The following CCDC73 variants were observed in gnomAD, a reference collection of about 807,000 sequenced individuals.
CCDC73 encodes coiled-coil domain-containing protein 73.
A neutral mutation model predicts 116.5 loss-of-function variants in CCDC73; 95 were observed. That is an observed-to-expected ratio of 0.82 (90% CI 0.69 to 0.97). CCDC73 has a LOEUF of 0.97. Ranked by LOEUF, CCDC73 falls within the 50% of genes least tolerant of loss-of-function variation. The pLI is 0.00. For missense variants in CCDC73, 1,066 were observed against 1,206.8 expected, an observed-to-expected ratio of 0.88 and a Z score of 1.73; for synonymous variants, 398 against 401.3, an observed-to-expected ratio of 0.99 and a Z score of 0.10.
the CCDC73 span, among the ~76,000 whole-genome samples, chr11:32,810,901 C>T: frequency 2.0e-5 from 3 of 151,956 alleles, no homozygotes; most frequent in Non-Finnish European, 1.5e-5. Context: ...GAGGCCGAGG[C>T]GGGTGGATCA....
chr11:32,736,984 G>GTA (rs1850136999), intron 2 of CCDC73, among the ~76,000 whole-genome samples: 1 of 148,388 alleles, frequency 6.7e-6, no homozygotes, highest in African/African-American at 2.5e-5. Context: ...ACATATATAT[G>GTA]TATATATGTA....
At chr11:32,662,542 T>G in intron 9 of CCDC73, among the ~76,000 whole-genome samples, 1 of 151,972 alleles carries the variant, frequency 6.6e-6, no homozygotes, top group East Asian at 1.9e-4. Flanking sequence ...GTTTTTTTTT[T>G]CTTCTTGTAA....
chr11:32,780,837 G>C (rs574602265), intron 1 of CCDC73, among the ~76,000 whole-genome samples: 1 of 152,326 alleles, frequency 6.6e-6, no homozygotes, highest in South Asian at 2.1e-4. Flanking sequence ...ACTTGCCCAA[G>C]GATATACAGG....
At chr11:32,642,270 AG>A (rs897409605) in intron 12 of CCDC73, among the ~76,000 whole-genome samples, 188 bp from the exon 13 acceptor site, 5 of 152,004 alleles carry the variant, frequency 3.3e-5, no homozygotes, top group African/African-American at 1.2e-4. Context: ...AACAGAAAAT[AG>A]GGGGAGGTTT....
At chr11:32,661,813 T>C (rs182744294) in intron 9 of CCDC73, among the ~76,000 whole-genome samples, 1,770 of 151,996 alleles carry the variant, frequency 0.012, 41 homozygotes, top group African/African-American at 0.04. Flanking sequence ...TAGATATATC[T>C]CCTAATGCTA....
chr11:32,740,651 G>A (rs1329380785), intron 2 of CCDC73, among the ~76,000 whole-genome samples: 1 of 151,620 alleles, frequency 6.6e-6, no homozygotes, highest in Non-Finnish European at 1.5e-5. Context: ...TTGCTTTTTT[G>A]TATTGTTTTT....
intron 9 of CCDC73, among the ~76,000 whole-genome samples, chr11:32,659,737 A>G (rs1244444478): frequency 2.0e-5 from 3 of 152,302 alleles, no homozygotes; most frequent in African/African-American, 7.2e-5. Context: ...TTACTATCCT[A>G]TAACAGGGAC....
chr11:32,668,242 G>A (rs879597414), intron 9 of CCDC73, among the ~76,000 whole-genome samples: 1 of 151,898 alleles, frequency 6.6e-6, no homozygotes, highest in African/African-American at 2.4e-5. Context: ...ACTAATAAAT[G>A]GCATGAATAT....
chr11:32,725,904 C>T lies in CCDC73; in HGVS notation c.136-7757G>A, dbSNP rs151039340. Among the ~76,000 whole-genome samples the T allele has an allele frequency of 6.6e-5, 10 of 152,212 alleles. No individual in the cohort carries two copies. The East Asian group carries it at 1.5e-3, about 24-fold the overall frequency. The stretch of plus-strand genomic sequence containing the variant: ...GAGGATAGGCTTAGTGTTCAGGGCC[C>T]GCCAAGGAGGAGGGACTCTGGCAAA... On this transcript the variant is annotated intron_variant, in intron 2 of 17. Coordinates refer to ENST00000335185, the MANE Select transcript of CCDC73 (RefSeq NM_001008391.4).
At chr11:32,808,794 A>G in the CCDC73 span, among the ~76,000 whole-genome samples, 1 of 152,274 alleles carries the variant, frequency 6.6e-6, no homozygotes, top group Non-Finnish European at 1.5e-5. Context: ...TAATTATGAA[A>G]TAATATATGT....
At chr11:32,638,696 C>T (rs1460306338) in intron 13 of CCDC73, among the ~76,000 whole-genome samples, 1 of 151,260 alleles carries the variant, frequency 6.6e-6, no homozygotes, top group Non-Finnish European at 1.5e-5. Context: ...CCAGGATGGT[C>T]TTGATCTCCT....
At chr11:32,730,427 G>C (rs931036647) in intron 2 of CCDC73, among the ~76,000 whole-genome samples, 1 of 151,954 alleles carries the variant, frequency 6.6e-6, no homozygotes, top group African/African-American at 2.4e-5. Flanking sequence ...GGATTTTTTT[G>C]CTGGGAATAG....
intron 1 of CCDC73, among the ~76,000 whole-genome samples, chr11:32,768,307 C>T (rs1231294036): frequency 1.3e-5 from 2 of 152,130 alleles, no homozygotes; most frequent in African/African-American, 4.8e-5. Flanking sequence ...GAACATCACA[C>T]ACCAGGGCCT....
At chr11:32,604,637 C>T (rs1003624714) in intron 17 of CCDC73, 1 of 152,142 alleles carries the variant, frequency 6.6e-6, no homozygotes, top group Non-Finnish European at 1.5e-5. Flanking sequence ...AAGAGGATAG[C>T]TCCATCATAT....
At chr11:32,664,449 T>A (rs981627760) in intron 9 of CCDC73, among the ~76,000 whole-genome samples, 1 of 152,224 alleles carries the variant, frequency 6.6e-6, no homozygotes, top group African/African-American at 2.4e-5. Context: ...TTCTTCTAGA[T>A]TTTCTAGTTT....
chr11:32,744,767 T>G (rs1850219676), intron 2 of CCDC73, among the ~76,000 whole-genome samples: 1 of 152,190 alleles, frequency 6.6e-6, no homozygotes, highest in South Asian at 2.1e-4. Context: ...CCTTTATCAT[T>G]TTTTATTGCG....
At position 32,653,216 on chromosome 11, in the gene CCDC73, AATG is replaced by A. The variant is rs1444222462; in HGVS notation, c.843_845del (p.Ile282del). The A allele has an allele frequency of 1.9e-6, 3 of 1,605,920 alleles. No individual in the cohort carries two copies. Among genetic ancestry groups the A allele is most frequent in the Admixed American group, 1.7e-5 (1 of 59,642 alleles). Reference sequence around the variant, plus strand: ...GTAACTGCTGCATATGTTGGAAAGAAATGATGATATCCTTTGAAAATACACAAA... The same window carrying A: ...GTAACTGCTGCATATGTTGGAAAGAAATGATATCCTTTGAAAATACACAAA... On this transcript the variant is annotated inframe_deletion, in exon 12 of 18. Coordinates refer to ENST00000335185, the MANE Select transcript of CCDC73 (RefSeq NM_001008391.4).
chr11:32,759,595 T>G (rs929882287), intron 2 of CCDC73, among the ~76,000 whole-genome samples: 1 of 152,146 alleles, frequency 6.6e-6, no homozygotes, highest in African/African-American at 2.4e-5. Flanking sequence ...TCTTTTACAA[T>G]TTTATACTAG....
At chr11:32,769,694 C>T (rs748819361) in intron 1 of CCDC73, among the ~76,000 whole-genome samples, 17 of 152,162 alleles carry the variant, frequency 1.1e-4, no homozygotes, top group Non-Finnish European at 2.2e-4. Context: ...ATCCACTAGA[C>T]ATCTCTATGA....
Sources: allele counts gnomAD v4.1 joint callset (sites outside exome capture counted in the v4.1 genomes callset), GRCh38; gene constraint gnomAD v4.1.1; transcripts MANE v1.5; gene names NCBI Gene and HGNC (gene_info 2026-07-23, HGNC 2026-07-21).